SYCE2: variants seen among roughly 807,000 people sequenced by gnomAD.
SYCE2 encodes the protein central element synaptonemal complex 1.
Under a neutral mutation model 27.9 loss-of-function variants are expected in SYCE2, and 3 were observed. That is an observed-to-expected ratio of 0.11 (90% confidence interval 0.05 to 0.28). The LOEUF is 0.28. Among genes scored for constraint, SYCE2 ranks in the 10% least tolerant of loss-of-function variants. The pLI, the probability that SYCE2 is intolerant of heterozygous loss-of-function variation, is 1.00. For synonymous variants in SYCE2, 85 were observed against 100.7 expected, an observed-to-expected ratio of 0.84 and a Z score of 0.93; for missense variants, 207 against 263.5, an observed-to-expected ratio of 0.79 and a Z score of 1.48.
rs751453198 is a variant in SYCE2, at chr19:12,904,672, G to A, written c.132-6C>T. 6.2e-7 allele frequency: 1 copy of A among 1,613,300 alleles called. No individual in the cohort carries two copies. The highest frequency in any genetic ancestry group is 2.2e-5 in the East Asian group (1 of 44,870). On this transcript the variant is annotated splice_region_variant and splice_polypyrimidine_tract_variant and intron_variant, in intron 2 of 5. Transcript: ENST00000293695. ...CCGTCAGCTGGCAACTGGCACTGGA[G>A]GTGGCGACACAAGGGCAAGAAACCT... is the stretch of plus-strand genomic sequence containing the variant.
chr19:12,915,336 C>T (rs988863697), intron 2 of SYCE2, among the ~76,000 whole-genome samples: 1 of 152,094 alleles, frequency 6.6e-6, no homozygotes, highest in Non-Finnish European at 1.5e-5. Flanking sequence ...CGCGGTGGCT[C>T]ACGCCTATAA....
At position 12,906,295 on chromosome 19, in the gene SYCE2, A is replaced by G. The variant is rs540772956; in HGVS notation, c.132-1629T>C. The G allele has an allele frequency of 3.9e-5, 6 of 152,318 alleles. No individual in the cohort carries two copies. In the South Asian group the frequency reaches 8.3e-4, roughly 21 times the overall value. 9.4% of individuals were successfully genotyped at this position (152,318 alleles called of 1,614,324 possible). ...AGGTGAGGTGAATACCTGTTGAATT[A>G]TATTTAAAGAGCATTTAAAGAAATG... On this transcript the variant is annotated intron_variant, in intron 2 of 5. Coordinates refer to ENST00000293695, the MANE Select transcript of SYCE2 (RefSeq NM_001105578.2).
intron 3 of SYCE2, among the ~76,000 whole-genome samples, chr19:12,901,085 C>G (rs575486638): frequency 1.2e-3 from 176 of 152,118 alleles, no homozygotes; most frequent in African/African-American, 4.2e-3. Context: ...AGGAGAATGG[C>G]GTGAACCCGG....
In SYCE2 at chr19:12,900,208, G is replaced by A. The variant is rs1383613593; in HGVS notation, c.496-88C>T. Reference sequence around the variant, plus strand: ...GATTTCTGAGTGGCAGGGGTGCAAGGGACTTTGTCCTTTCTGTCACCACAG... The same window carrying A: ...GATTTCTGAGTGGCAGGGGTGCAAGAGACTTTGTCCTTTCTGTCACCACAG... On this transcript the variant is annotated intron_variant, in intron 4 of 5. Transcript: ENST00000293695. 26 of 1,471,422 alleles carry A rather than the reference G, an allele frequency of 1.8e-5. No individual in the cohort carries two copies. In the East Asian group the frequency reaches 5.7e-4, roughly 32 times the overall value. 91.1% of individuals were successfully genotyped at this position (1,471,422 alleles called of 1,614,324 possible).
chr19:12,908,814 C>G (rs981638465), intron 2 of SYCE2, among the ~76,000 whole-genome samples: 24 of 152,150 alleles, frequency 1.6e-4, no homozygotes, highest in African/African-American at 5.8e-4. Context: ...CCTGCTACTC[C>G]CGACATGTGG....
rs1405935475 is a variant in SYCE2, at chr19:12,899,473, C to G, written c.613-88G>C. 3.7e-6 allele frequency: 6 copies of G among 1,614,214 alleles called. No individual in the cohort carries two copies. Among genetic ancestry groups the G allele is most frequent in the Non-Finnish European group, 5.1e-6 (6 of 1,180,040 alleles). On this transcript the variant is annotated intron_variant, in intron 5 of 5. Transcript: ENST00000293695. Reference sequence around the variant, plus strand: ...TCTGTATTAATCTTGTCCAGGTACACATGACATTCACGCCCTGATCCTTGG... The same window carrying G: ...TCTGTATTAATCTTGTCCAGGTACAGATGACATTCACGCCCTGATCCTTGG...
intron 2 of SYCE2, among the ~76,000 whole-genome samples, chr19:12,913,435 G>T (rs1384100900): frequency 6.6e-6 from 1 of 152,154 alleles, no homozygotes; most frequent in African/African-American, 2.4e-5. Flanking sequence ...TATGACCACC[G>T]AGGGTGGCAG....
intron 2 of SYCE2, among the ~76,000 whole-genome samples, chr19:12,910,302 A>AT (rs913538561): frequency 6.6e-6 from 1 of 151,398 alleles, no homozygotes; most frequent in Non-Finnish European, 1.5e-5. Context: ...ATGTTAAAAA[A>AT]TTTTTTTTTC....
chr19:12,909,692 G>A (rs56195122), intron 2 of SYCE2, among the ~76,000 whole-genome samples: 6,404 of 146,584 alleles, frequency 0.044, 172 homozygotes, highest in African/African-American at 0.075. Flanking sequence ...TCAGCCTCCC[G>A]AATAGCTGGG....
At chr19:12,915,928 C>G (rs1334387281) in intron 2 of SYCE2, among the ~76,000 whole-genome samples, 1 of 152,096 alleles carries the variant, frequency 6.6e-6, no homozygotes, top group African/African-American at 2.4e-5. Context: ...GCTGGCTGCC[C>G]ACAGGGGAAA....
At chr19:12,903,621 G>A (rs146481500) in intron 3 of SYCE2, among the ~76,000 whole-genome samples, 3,050 of 151,950 alleles carry the variant, frequency 0.02, 45 homozygotes, top group Middle Eastern at 0.058. Flanking sequence ...TCCTGACCTT[G>A]TGATCCCCCT....
At chr19:12,899,574 C>T in intron 5 of SYCE2, 189 bp from the exon 6 acceptor site, 1 of 1,614,008 alleles carries the variant, frequency 6.2e-7, no homozygotes, top group South Asian at 1.1e-5. Context: ...ACTCTCAAGC[C>T]CCTTTCTGGA....
In SYCE2 at chr19:12,900,580, G is replaced by C. The variant is rs1970814163; in HGVS notation, c.375C>G (p.Ile125Met). 1.9e-6 allele frequency: 3 copies of C among 1,614,120 alleles called. No homozygotes were observed. Among genetic ancestry groups the C allele is most frequent in the Non-Finnish European group, 2.5e-6 (3 of 1,180,028 alleles). The part of the protein sequence containing the change: ...YQIYNDHNKI[I>M]QEKLQEFTQK... ...GGGTGAACTCTTGGAGCTTTTCCTG[G>C]ATGATCTTGTTGTGGTCATTATAAA... The change falls in exon 4 of 6, where the codon ATC becomes ATG. Residue 125 changes from isoleucine to methionine, a missense_variant. Ile to Met is a conservative substitution (Grantham distance 10). Coordinates refer to ENST00000293695, the MANE Select transcript of SYCE2 (RefSeq NM_001105578.2).
rs373896345 is a variant in SYCE2 at position 12,904,631 on chromosome 19, G to A, written c.167C>T (p.Ser56Leu). 1.4e-5 allele frequency: 23 copies of A among 1,613,760 alleles called. No homozygotes were observed. Among genetic ancestry groups the A allele is most frequent in the Non-Finnish European group, 1.7e-5 (20 of 1,179,974 alleles). Residue 56 changes from serine to leucine, a missense_variant, in exon 3 of 6, where the codon TCG (serine) becomes TTG (leucine). Transcript: ENST00000293695. ...GTCCAGAGAGGAGAAGTAGAGTCCCGACTTCCCTTCCAGGACCGTCAGCTG... is the reference window on the plus strand; with the variant it reads ...GTCCAGAGAGGAGAAGTAGAGTCCCAACTTCCCTTCCAGGACCGTCAGCTG... ...SCQLTVLEGK[S>L]GLYFSSLDSS...
chr19:12,914,752 G>A (rs1161599712), intron 2 of SYCE2, among the ~76,000 whole-genome samples: 9 of 152,198 alleles, frequency 5.9e-5, no homozygotes, highest in Admixed American at 2.6e-4. Flanking sequence ...TGGGATTACA[G>A]GCATGCACCA....
chr19:12,901,661 G>A (rs1469089007), intron 3 of SYCE2, among the ~76,000 whole-genome samples: 1 of 152,062 alleles, frequency 6.6e-6, no homozygotes, highest in East Asian at 1.9e-4. Context: ...CATTGCCCAA[G>A]CTGGAGTTCA....
intron 2 of SYCE2, among the ~76,000 whole-genome samples, chr19:12,911,618 T>TTC (rs1297695679): frequency 7.0e-6 from 1 of 143,064 alleles, no homozygotes; most frequent in Non-Finnish European, 1.5e-5. Context: ...TTTTTGCCTT[T>TTC]TTTTTTTTTT....
chr19:12,899,092 CATTT>C lies in SYCE2; in HGVS notation c.*245_*248del. 1 of 554,156 alleles carries C rather than the reference CATTT, an allele frequency of 1.8e-6. No individual in the cohort carries two copies. Among genetic ancestry groups the C allele is most frequent in the South Asian group, 2.1e-5 (1 of 47,412 alleles). The allele number at this position is 554,156 out of a possible 1,614,324, so 34.3% of individuals were successfully genotyped here. ...AAGCGTGGCCAGGTTGAAAATCAAACATTTAATAAACTGTGGGGCTGGGGGTGGG... is the reference window on the plus strand; with the variant it reads ...AAGCGTGGCCAGGTTGAAAATCAAACAATAAACTGTGGGGCTGGGGGTGGG... On this transcript the variant is annotated 3_prime_UTR_variant, in exon 6 of 6. Coordinates refer to ENST00000293695, the MANE Select transcript of SYCE2 (RefSeq NM_001105578.2).
At chr19:12,919,139 C>G in intron 1 of SYCE2, 104 bp downstream of exon 1, 1 of 1,508,630 alleles carries the variant, frequency 6.6e-7, no homozygotes, top group South Asian at 1.1e-5. Flanking sequence ...TGGCAAAGGA[C>G]AAGCGGCCGG....
Sources: allele counts gnomAD v4.1 joint callset (sites outside exome capture counted in the v4.1 genomes callset), GRCh38; gene constraint gnomAD v4.1.1; transcripts MANE v1.5; gene names NCBI Gene and HGNC (gene_info 2026-07-23, HGNC 2026-07-21).